The following COPG2 variants were observed in gnomAD, a reference collection of about 807,000 sequenced individuals.
The protein encoded by COPG2 is coatomer subunit gamma-2.
In COPG2, 37 loss-of-function variants were observed where a neutral mutation model predicts 46.3. That is an observed-to-expected ratio of 0.80 (90% CI 0.61 to 1.05). COPG2 has a LOEUF of 1.05. COPG2 is among the 50% of genes least tolerant of loss of function. COPG2 has a pLI of 0.00. For synonymous variants in COPG2, 159 were observed against 129.7 expected (o/e 1.23, Z -1.53); for missense variants, 427 against 387.8 (o/e 1.10, Z -0.85).
intron 9 of COPG2, among the ~76,000 whole-genome samples, chr7:130,601,845 G>GGGAA (rs1213987829): frequency 7.0e-6 from 1 of 143,372 alleles, no homozygotes; most frequent in Non-Finnish European, 1.5e-5. Flanking sequence ...GAAGGAAGGA[G>GGGAA]GGAAGGAAGG....
chr7:130,613,059 A>G (rs1003311398), intron 7 of COPG2, among the ~76,000 whole-genome samples: 1 of 152,176 alleles, frequency 6.6e-6, no homozygotes, highest in African/African-American at 2.4e-5. Flanking sequence ...GATCCTATAG[A>G]TCAGCAATCT....
intron 9 of COPG2, among the ~76,000 whole-genome samples, chr7:130,597,479 T>C (rs782390334): frequency 2.1e-4 from 32 of 152,110 alleles, no homozygotes; most frequent in Admixed American, 3.9e-4. Flanking sequence ...GGAAAAGCAG[T>C]GTATTTGGGC....
At chr7:130,507,454 G>A (rs1452819718) in intron 22 of COPG2, 82 bp from the exon 23 acceptor site, 2 of 758,782 alleles carry the variant, frequency 2.6e-6, no homozygotes, top group East Asian at 4.9e-5. Flanking sequence ...GCTGGGAGCT[G>A]GGGTGGAAGG....
intron 5 of COPG2, among the ~76,000 whole-genome samples, chr7:130,651,721 T>TTA (rs1442228549): frequency 1.2e-4 from 18 of 151,384 alleles, no homozygotes; most frequent in African/African-American, 4.4e-4. Flanking sequence ...TTTCACCTTG[T>TTA]TAGCCAGGAT....
intron 8 of COPG2, 64 bp from the exon 9 acceptor site, chr7:130,611,174 A>G: frequency 2.1e-6 from 3 of 1,430,832 alleles, no homozygotes; most frequent in Non-Finnish European, 1.9e-6. Flanking sequence ...TTACACAAAA[A>G]TAGAATTACA....
intron 5 of COPG2, among the ~76,000 whole-genome samples, chr7:130,632,508 T>C (rs1308049433): frequency 6.6e-6 from 1 of 152,200 alleles, no homozygotes; most frequent in Non-Finnish European, 1.5e-5. Flanking sequence ...AAGTTTTCAG[T>C]CATTATTTTC....
Position 130,587,256 on chromosome 7 carries a change from G to A in COPG2, c.738-22863C>T, listed in dbSNP as rs145512628. 1.8e-3 allele frequency among the ~76,000 whole-genome samples: 276 copies of A among 151,948 alleles called. 4 individuals carry two copies. The highest frequency in any genetic ancestry group is 4.3e-3 in the East Asian group (22 of 5,164). ...CAGAAGGTGGACGCTACAGTGAGCC[G>A]AGATGGCACCACTGCACTCCAGCCT... On this transcript the variant is annotated intron_variant, in intron 9 of 23. Coordinates refer to ENST00000425248, the MANE Select transcript of COPG2 (RefSeq NM_012133.6).
chr7:130,600,996 C>T (rs1214121948), intron 9 of COPG2, among the ~76,000 whole-genome samples: 1 of 152,236 alleles, frequency 6.6e-6, no homozygotes, highest in Non-Finnish European at 1.5e-5. Flanking sequence ...ATCAGGCTCA[C>T]TCTTTCTCTC....
At chr7:130,555,421 TGAAC>T (rs1488928924) in intron 12 of COPG2, among the ~76,000 whole-genome samples, 1 of 152,184 alleles carries the variant, frequency 6.6e-6, no homozygotes, top group African/African-American at 2.4e-5. Context: ...GATTTTAAAG[TGAAC>T]CATAAAGATA....
chr7:130,584,977 T>C (rs1380457999), intron 9 of COPG2, among the ~76,000 whole-genome samples: 2 of 151,860 alleles, frequency 1.3e-5, no homozygotes, highest in African/African-American at 4.8e-5. Context: ...ATTCTAAAAT[T>C]CATATGGAAC....
At chr7:130,631,677 C>A (rs900362830) in intron 5 of COPG2, among the ~76,000 whole-genome samples, 5 of 152,144 alleles carry the variant, frequency 3.3e-5, no homozygotes, top group African/African-American at 1.2e-4. Flanking sequence ...TACCATTTCT[C>A]TTCTTTGCCT....
intron 12 of COPG2, 55 bp downstream of exon 12, chr7:130,560,978 A>C (rs1290938841): frequency 2.5e-6 from 1 of 398,314 alleles, no homozygotes; most frequent in African/African-American, 2.1e-5. Context: ...CCGTTAAGAA[A>C]ATAAATAGGC....
chr7:130,616,909 G>A (rs1044781803), intron 6 of COPG2, 81 bp downstream of exon 6: 1 of 846,022 alleles, frequency 1.2e-6, no homozygotes, highest in African/African-American at 1.7e-5. Context: ...AGTCAGACTA[G>A]GAAATCCTAC....
rs545645417 is a variant in COPG2 at position 130,512,485 on chromosome 7, G to A, written c.2150-3826C>T. Among the ~76,000 whole-genome samples, 13 of 151,210 alleles carry A rather than the reference G, an allele frequency of 8.6e-5. No individual in the cohort carries two copies. The South Asian group carries it at 2.3e-3, about 27-fold the overall frequency. On this transcript the variant is annotated intron_variant, in intron 20 of 23. Coordinates refer to ENST00000425248, the MANE Select transcript of COPG2 (RefSeq NM_012133.6). Reference sequence around the variant, plus strand: ...AGTAAAAAAGTCTATATCTATTTCTGTAGAGATGGTAAGGCCGGGTGCAGT... The same window carrying A: ...AGTAAAAAAGTCTATATCTATTTCTATAGAGATGGTAAGGCCGGGTGCAGT...
At chr7:130,606,684 G>A (rs576663604) in intron 9 of COPG2, among the ~76,000 whole-genome samples, 5 of 152,228 alleles carry the variant, frequency 3.3e-5, no homozygotes, top group Admixed American at 6.5e-5. Flanking sequence ...TTTCACCTAC[G>A]GAGAGCAACT....
At chr7:130,558,369 G>A (rs1460288791) in intron 12 of COPG2, among the ~76,000 whole-genome samples, 3 of 152,134 alleles carry the variant, frequency 2.0e-5, no homozygotes, top group African/African-American at 4.8e-5. Context: ...CATGTAAGAC[G>A]TCTGCTCCTG....
At chr7:130,521,208 A>C (rs1799720351) in intron 20 of COPG2, among the ~76,000 whole-genome samples, 1 of 152,236 alleles carries the variant, frequency 6.6e-6, no homozygotes, top group Non-Finnish European at 1.5e-5. Context: ...GGAGAAAGAA[A>C]GGGACAAGAT....
chr7:130,511,971 T>C (rs1233960794), intron 20 of COPG2: 4 of 450,858 alleles, frequency 8.9e-6, no homozygotes, highest in South Asian at 1.6e-5. Context: ...TCCCAGCACT[T>C]TGGGAGGCTG....
At chr7:130,661,242 C>T (rs983281059) in intron 4 of COPG2, among the ~76,000 whole-genome samples, 36 of 152,160 alleles carry the variant, frequency 2.4e-4, no homozygotes, top group African/African-American at 8.4e-4. Context: ...CATCCTTTTT[C>T]TTTCTTACTC....
Sources: allele counts gnomAD v4.1 joint callset (sites outside exome capture counted in the v4.1 genomes callset), GRCh38; gene constraint gnomAD v4.1.1; transcripts MANE v1.5; gene names NCBI Gene and HGNC (gene_info 2026-07-23, HGNC 2026-07-21).